Variants in MAP6 observed in about 807,000 individuals in gnomAD.
The protein encoded by MAP6 is microtubule associated protein 6, also known as microtubule-associated protein 6.
MAP6 carries 26 observed loss-of-function variants against 42.4 expected under a neutral mutation model. The observed-to-expected ratio is 0.61, with a 90% CI of 0.45 to 0.85. MAP6 has a LOEUF of 0.85. Among genes scored for constraint, MAP6 ranks in the 40% least tolerant of loss-of-function variants. The pLI, the probability that MAP6 is intolerant of heterozygous loss-of-function variation, is 0.00. For synonymous variants in MAP6, 418 were observed against 443.8 expected, an observed-to-expected ratio of 0.94 and a Z score of 0.73; for missense variants, 966 against 1,099.0, an observed-to-expected ratio of 0.88 and a Z score of 1.71.
At chr11:75,625,223 C>CT (rs971834444) in intron 1 of MAP6, among the ~76,000 whole-genome samples, 3 of 152,182 alleles carry the variant, frequency 2.0e-5, no homozygotes, top group Non-Finnish European at 4.4e-5. Flanking sequence ...TTGGAGTCAT[C>CT]TTTAGAGGCA....
At chr11:75,611,065 C>T (rs1436080937) in intron 1 of MAP6, among the ~76,000 whole-genome samples, 1 of 152,194 alleles carries the variant, frequency 6.6e-6, no homozygotes, top group Non-Finnish European at 1.5e-5. Flanking sequence ...GCCCTACACA[C>T]AGGCCTAGGG....
rs1016854510 is a variant in MAP6 at position 75,605,155 on chromosome 11, T to C, written c.1316+653A>G. 41 of 985,318 alleles carry C rather than the reference T, an allele frequency of 4.2e-5. No homozygotes were observed. The African/African-American group carries it at 6.6e-4, about 16-fold the overall frequency. The allele number at this position is 985,318 out of a possible 1,614,324, so 61.0% of individuals were successfully genotyped here. On this transcript the variant is annotated intron_variant, in intron 3 of 3. Coordinates refer to ENST00000304771, the MANE Select transcript of MAP6 (RefSeq NM_033063.2). ...GATCTAGTTTTAGTTATCAGTGGCGTATCTATGACTCGGTATACAATTTAA... is the reference window on the plus strand; with the variant it reads ...GATCTAGTTTTAGTTATCAGTGGCGCATCTATGACTCGGTATACAATTTAA...
At position 75,667,443 on chromosome 11, in the gene MAP6, G is replaced by A. The variant is rs770053386; in HGVS notation, c.905+22C>T. 79 of 1,456,176 alleles carry A rather than the reference G, an allele frequency of 5.4e-5. No individual in the cohort carries two copies. In the African/African-American group the frequency reaches 1.0e-3, roughly 18 times the overall value. The allele number at this position is 1,456,176 out of a possible 1,614,324, so 90.2% of individuals were successfully genotyped here. On this transcript the variant is annotated intron_variant, in intron 1 of 3. Coordinates refer to ENST00000304771, the MANE Select transcript of MAP6 (RefSeq NM_033063.2). This position sits in a 1 kb window ranked among gnomAD's most constrained non-coding sequence, Gnocchi z 5.6. ...AGGGTCTGCGTGGTGACTCCCCCGC[G>A]CTAGCAGCGGCCGCGTCTCACCTGT...
At chr11:75,616,990 C>G (rs1193514843) in intron 1 of MAP6, among the ~76,000 whole-genome samples, 2 of 152,170 alleles carry the variant, frequency 1.3e-5, no homozygotes, top group African/African-American at 2.4e-5. Flanking sequence ...AATGCTCCCT[C>G]TCTCTTACAT....
intron 3 of MAP6, chr11:75,605,532 CA>C: frequency 1.6e-6 from 2 of 1,241,286 alleles, no homozygotes; most frequent in South Asian, 3.7e-5. Flanking sequence ...TGCTCATCAG[CA>C]TGCAGTCAGA....
At chr11:75,622,634 T>C (rs1451222729) in intron 1 of MAP6, among the ~76,000 whole-genome samples, 4 of 152,226 alleles carry the variant, frequency 2.6e-5, no homozygotes, top group Non-Finnish European at 4.4e-5. Flanking sequence ...CAAGCTGATC[T>C]TAAAATTTAT....
At chr11:75,638,124 C>T (rs1004866957) in intron 1 of MAP6, among the ~76,000 whole-genome samples, 2 of 152,044 alleles carry the variant, frequency 1.3e-5, no homozygotes, top group African/African-American at 4.8e-5. Context: ...TCAAGAACAC[C>T]AGGGTGGCTT....
intron 1 of MAP6, among the ~76,000 whole-genome samples, chr11:75,661,931 A>G (rs1002460583): frequency 6.6e-6 from 1 of 152,194 alleles, no homozygotes. Context: ...AAAGTCTACA[A>G]ACAAAACTAA....
chr11:75,662,090 T>C (rs1376991766), intron 1 of MAP6, among the ~76,000 whole-genome samples: 2 of 152,012 alleles, frequency 1.3e-5, no homozygotes, highest in African/African-American at 4.8e-5. Flanking sequence ...TAAGATAATA[T>C]AGTATTAGCT....
intron 1 of MAP6, among the ~76,000 whole-genome samples, chr11:75,638,228 C>T (rs1486464983): frequency 1.3e-5 from 2 of 152,166 alleles, no homozygotes; most frequent in African/African-American, 4.8e-5. Context: ...CAGGAAGTGT[C>T]CTACTCAAGA....
At chr11:75,624,780 C>T (rs764336817) in intron 1 of MAP6, among the ~76,000 whole-genome samples, 2 of 152,190 alleles carry the variant, frequency 1.3e-5, no homozygotes, top group African/African-American at 2.4e-5. Flanking sequence ...CTTCACAGCA[C>T]GTCCCTACCT....
intron 1 of MAP6, among the ~76,000 whole-genome samples, chr11:75,643,356 C>T (rs993149821): frequency 6.6e-6 from 1 of 152,048 alleles, no homozygotes; most frequent in African/African-American, 2.4e-5. Context: ...GCTTATGAGC[C>T]TATACTATAA....
At chr11:75,628,558 T>TC (rs1337450581) in intron 1 of MAP6, among the ~76,000 whole-genome samples, 1 of 152,196 alleles carries the variant, frequency 6.6e-6, no homozygotes, top group Non-Finnish European at 1.5e-5. Flanking sequence ...ACTGTAGGCA[T>TC]CTCCTCTGCA....
At chr11:75,655,681 T>G (rs1396991451) in intron 1 of MAP6, among the ~76,000 whole-genome samples, 1 of 152,196 alleles carries the variant, frequency 6.6e-6, no homozygotes, top group Non-Finnish European at 1.5e-5. Context: ...GGAGATGGTA[T>G]GGGCTTAGCA....
At chr11:75,632,449 A>G (rs1943298452) in intron 1 of MAP6, among the ~76,000 whole-genome samples, 1 of 152,214 alleles carries the variant, frequency 6.6e-6, no homozygotes, top group Admixed American at 6.5e-5. Context: ...AGTGGACTGC[A>G]TGAACTACTT....
At chr11:75,651,287 C>T (rs1177149314) in intron 1 of MAP6, among the ~76,000 whole-genome samples, 1 of 152,170 alleles carries the variant, frequency 6.6e-6, no homozygotes, top group African/African-American at 2.4e-5. Flanking sequence ...GACTACTATG[C>T]TGTGCTAAAA....
chr11:75,639,598 C>G (rs573599902), intron 1 of MAP6, among the ~76,000 whole-genome samples: 1 of 152,342 alleles, frequency 6.6e-6, no homozygotes, highest in South Asian at 2.1e-4. Context: ...AAATTCTGTA[C>G]TTTCTTTTCA....
At chr11:75,656,717 T>C (rs1466347799) in intron 1 of MAP6, among the ~76,000 whole-genome samples, 2 of 152,220 alleles carry the variant, frequency 1.3e-5, no homozygotes, top group African/African-American at 4.8e-5. Context: ...GCTGATGTTG[T>C]CCTGATCTTC....
At chr11:75,616,218 TAAGGG>T (rs1056777253) in intron 1 of MAP6, among the ~76,000 whole-genome samples, 57 of 152,332 alleles carry the variant, frequency 3.7e-4, no homozygotes, top group African/African-American at 1.3e-3. Context: ...TTTCTGTTCA[TAAGGG>T]AAGAGGAATT....
Sources: allele counts gnomAD v4.1 joint callset (sites outside exome capture counted in the v4.1 genomes callset), GRCh38; gene constraint gnomAD v4.1.1; non-coding constraint Gnocchi (gnomAD v3.1); transcripts MANE v1.5; gene names NCBI Gene and HGNC (gene_info 2026-07-23, HGNC 2026-07-21).